The following ARID3B variants were observed in gnomAD, a reference collection of about 807,000 sequenced individuals.
ARID3B encodes AT-rich interactive domain-containing protein 3B.
ARID3B carries 10 observed loss-of-function variants against 51.9 expected under a neutral mutation model. That is an observed-to-expected ratio of 0.19 (90% CI 0.12 to 0.33). The LOEUF is 0.33. Among genes scored for constraint, ARID3B ranks in the 10% least tolerant of loss-of-function variants. The probability of loss-of-function intolerance (pLI) is 1.00; values close to 1 mark genes in which losing one functional copy is unlikely to be tolerated. For synonymous variants in ARID3B, 205 were observed against 279.5 expected (o/e 0.73, Z 2.66); for missense variants, 483 against 716.3 (o/e 0.67, Z 3.72).
chr15:74,563,763 T>TCTCGGA (rs1235296474), intron 2 of ARID3B, among the ~76,000 whole-genome samples: 3 of 151,900 alleles, frequency 2.0e-5, no homozygotes, highest in Non-Finnish European at 2.9e-5. Context: ...CCTCTGTGGC[T>TCTCGGA]CTCGGACTTG....
chr15:74,564,030 C>T (rs181974448), intron 2 of ARID3B, among the ~76,000 whole-genome samples: 4 of 152,270 alleles, frequency 2.6e-5, no homozygotes, highest in Admixed American at 6.5e-5. Flanking sequence ...AATTGATCTC[C>T]GCTGCTAGCA....
At chr15:74,550,908 C>G (rs1596250542) in intron 2 of ARID3B, among the ~76,000 whole-genome samples, 1 of 152,156 alleles carries the variant, frequency 6.6e-6, no homozygotes, top group East Asian at 1.9e-4. Flanking sequence ...AAGAGCTTTG[C>G]AGGGTTAGGG....
intron 2 of ARID3B, among the ~76,000 whole-genome samples, chr15:74,571,757 A>G (rs2061719757): frequency 6.6e-6 from 1 of 152,186 alleles, no homozygotes; most frequent in African/African-American, 2.4e-5. Context: ...TTGCTTTTAG[A>G]GGGTTGAAGG....
At chr15:74,554,362 G>T (rs1464158942) in intron 2 of ARID3B, among the ~76,000 whole-genome samples, 1 of 151,834 alleles carries the variant, frequency 6.6e-6, no homozygotes, top group Non-Finnish European at 1.5e-5. Context: ...GAGTGCAGTG[G>T]CATGATTTCT....
intron 4 of ARID3B, chr15:74,574,313 T>C (rs143016003): frequency 1.8e-3 from 269 of 152,384 alleles, no homozygotes; most frequent in South Asian, 6.4e-3. Context: ...GACAAAACCA[T>C]AGGAGAGAGC....
Position 74,544,111 on chromosome 15 carries a change from A to G in ARID3B, c.175A>G (p.Arg59Gly). The G allele has an allele frequency of 6.2e-7, 1 of 1,613,960 alleles. No individual in the cohort carries two copies. ...GACTCTCCTTTCCGCCACAGCTGGG[A>G]GACCTTCTGGCAGCACTCCCTTAGG... ...QPTLLSATAG[R>G]PSGSTPLGPL... The change falls in exon 2 of 9, where the codon AGA (arginine) becomes GGA (glycine). Residue 59 changes from arginine to glycine, a missense_variant. Physicochemically the swap from Arg to Gly is moderately radical, Grantham distance 125 (BLOSUM62 -2). This residue lies in a region of ARID3B where 182 missense variants were observed against 244.5 expected (regional missense o/e 0.74). Coordinates refer to ENST00000346246, the MANE Select transcript of ARID3B (RefSeq NM_006465.4).
At chr15:74,593,592 A>G (rs1210325723) in intron 8 of ARID3B, among the ~76,000 whole-genome samples, 1 of 150,172 alleles carries the variant, frequency 6.7e-6, no homozygotes, top group Admixed American at 7.2e-5. Flanking sequence ...ACTGAGACAC[A>G]GGCAAAGGAA....
chr15:74,565,650 G>A (rs1267206500), intron 2 of ARID3B, among the ~76,000 whole-genome samples: 4 of 151,930 alleles, frequency 2.6e-5, no homozygotes, highest in African/African-American at 4.8e-5. Context: ...AAAGTCAGGC[G>A]CTTCTGTCTC....
intron 4 of ARID3B, among the ~76,000 whole-genome samples, chr15:74,578,413 A>G (rs1411605347): frequency 2.0e-5 from 3 of 152,086 alleles, no homozygotes; most frequent in Non-Finnish European, 4.4e-5. Context: ...AACCTCAGGT[A>G]ATCCGCCCGC....
In ARID3B at chr15:74,544,139, C is replaced by T. The variant is rs139778598; in HGVS notation, c.203C>T (p.Pro68Leu). ...GRPSGSTPLG[P>L]LARVPPTAAV... is the part of the protein sequence containing the mutation. ...CCTTCTGGCAGCACTCCCTTAGGTC[C>T]CTTAGCCAGAGTTCCACCCACCGCA... Residue 68 changes from proline to leucine, a missense_variant, in exon 2 of 9, where the codon CCC becomes CTC. Physicochemically the swap from Pro to Leu is moderately conservative, Grantham distance 98. This residue lies in a region of ARID3B where 182 missense variants were observed against 244.5 expected (regional missense o/e 0.74). Transcript: ENST00000346246. 1.9e-6 allele frequency: 3 copies of T among 1,613,880 alleles called. No individual in the cohort carries two copies. Among genetic ancestry groups the T allele is most frequent in the South Asian group, 2.2e-5 (2 of 91,066 alleles).
chr15:74,559,593 T>TTGGG (rs2061671479), intron 2 of ARID3B, among the ~76,000 whole-genome samples: 1 of 152,210 alleles, frequency 6.6e-6, no homozygotes, highest in South Asian at 2.1e-4. Flanking sequence ...GGTCTCACAG[T>TTGGG]TGGGAAGCTG....
intron 4 of ARID3B, among the ~76,000 whole-genome samples, chr15:74,589,294 G>T (rs934354712): frequency 1.3e-5 from 2 of 151,946 alleles, no homozygotes; most frequent in Non-Finnish European, 2.9e-5. Flanking sequence ...CTCCCAAAGT[G>T]CTAGGATTAC....
At chr15:74,592,747 G>GA (rs2061808450) in intron 7 of ARID3B, among the ~76,000 whole-genome samples, 1 of 152,256 alleles carries the variant, frequency 6.6e-6, no homozygotes, top group Admixed American at 6.5e-5. Flanking sequence ...TCAAAGGAAA[G>GA]AAAGGGCAGG....
chr15:74,557,070 C>T (rs1403709342), intron 2 of ARID3B, among the ~76,000 whole-genome samples: 1 of 152,036 alleles, frequency 6.6e-6, no homozygotes, highest in African/African-American at 2.4e-5. Flanking sequence ...CCAGCATGCA[C>T]AGCCTCCTTT....
intron 2 of ARID3B, among the ~76,000 whole-genome samples, chr15:74,550,567 G>C (rs375029484): frequency 1.3e-5 from 2 of 151,802 alleles, no homozygotes; most frequent in African/African-American, 4.8e-5. Context: ...TTAGCTGGGC[G>C]TGGTGGCAGG....
chr15:74,555,335 T>A (rs1182511995), intron 2 of ARID3B, among the ~76,000 whole-genome samples: 1 of 151,994 alleles, frequency 6.6e-6, no homozygotes, highest in Non-Finnish European at 1.5e-5. Context: ...TGACTCTTTT[T>A]TTTTTCTTTT....
At chr15:74,557,026 C>T (rs184718553) in intron 2 of ARID3B, among the ~76,000 whole-genome samples, 300 of 152,144 alleles carry the variant, frequency 2.0e-3, no homozygotes, top group Non-Finnish European at 3.4e-3. Flanking sequence ...CCACCCGCTT[C>T]GGCCTCCCAA....
At chr15:74,545,081 A>G (rs2141371937) in intron 2 of ARID3B, among the ~76,000 whole-genome samples, 1 of 152,332 alleles carries the variant, frequency 6.6e-6, no homozygotes, top group East Asian at 1.9e-4. Flanking sequence ...AAGTTGCAAC[A>G]GTGTTGTGAG....
Position 74,550,475 on chromosome 15 carries a change from G to A in ARID3B, c.552+5987G>A, listed in dbSNP as rs562660049. On this transcript the variant is annotated intron_variant, in intron 2 of 8. Coordinates refer to ENST00000346246, the MANE Select transcript of ARID3B (RefSeq NM_006465.4). ...TGGGAGGCGGAGGCAGGCGGATCAC[G>A]AGGTCAGGAGATCAAGACCATCTTG... Among the ~76,000 whole-genome samples, 3 of 151,950 alleles carry A rather than the reference G, an allele frequency of 2.0e-5. No homozygotes were observed. In the East Asian group the frequency reaches 5.8e-4, roughly 29 times the overall value.
Sources: allele counts gnomAD v4.1 joint callset (sites outside exome capture counted in the v4.1 genomes callset), GRCh38; gene constraint gnomAD v4.1.1; regional missense constraint gnomAD v4.1.1; transcripts MANE v1.5; gene names NCBI Gene and HGNC (gene_info 2026-07-23, HGNC 2026-07-21).